Variants in PTCHD4 observed in about 807,000 individuals in gnomAD.
PTCHD4 encodes patched domain-containing protein 4.
Under a neutral mutation model 58.1 loss-of-function variants are expected in PTCHD4, and 33 were observed. The observed-to-expected ratio is 0.57, with a 90% CI of 0.43 to 0.76. The LOEUF is 0.76. Among genes scored for constraint, PTCHD4 ranks in the 30% least tolerant of loss-of-function variants. The pLI, the probability that PTCHD4 is intolerant of heterozygous loss-of-function variation, is 0.00. For synonymous variants in PTCHD4, 478 were observed against 409.6 expected, an observed-to-expected ratio of 1.17 and a Z score of -2.02; for missense variants, 1,058 against 1,027.1, an observed-to-expected ratio of 1.03 and a Z score of -0.41.
At chr6:48,048,955 G>A (rs553878432) in intron 3 of PTCHD4, among the ~76,000 whole-genome samples, 2 of 152,014 alleles carry the variant, frequency 1.3e-5, no homozygotes, top group South Asian at 2.1e-4. Context: ...GACATGGAAG[G>A]CACACATTCT....
intron 4 of PTCHD4, among the ~76,000 whole-genome samples, chr6:47,891,800 C>T (rs1764389693): frequency 6.6e-6 from 1 of 151,936 alleles, no homozygotes; most frequent in Admixed American, 6.6e-5. Flanking sequence ...TAAATGTGTT[C>T]AATGATAGTA....
intron 4 of PTCHD4, among the ~76,000 whole-genome samples, chr6:47,970,348 G>C (rs573563080): frequency 6.6e-6 from 1 of 152,328 alleles, no homozygotes; most frequent in African/African-American, 2.4e-5. Flanking sequence ...GCAGGTGGGA[G>C]AGTGGTAATT....
chr6:48,064,602 A>T (rs2113873614), intron 3 of PTCHD4, among the ~76,000 whole-genome samples: 1 of 152,310 alleles, frequency 6.6e-6, no homozygotes, highest in South Asian at 2.1e-4. Flanking sequence ...CACTTTAAAG[A>T]CAGCTGGAGA....
At chr6:47,929,685 A>G (rs1253509710) in intron 4 of PTCHD4, among the ~76,000 whole-genome samples, 2 of 152,254 alleles carry the variant, frequency 1.3e-5, no homozygotes, top group African/African-American at 2.4e-5. Flanking sequence ...TTGCCTGAGA[A>G]GCAGGCTCTT....
chr6:48,017,770 T>C (rs1237602612), intron 3 of PTCHD4, among the ~76,000 whole-genome samples: 8 of 152,204 alleles, frequency 5.3e-5, no homozygotes, highest in Non-Finnish European at 1.0e-4. Context: ...ACTTGATTCG[T>C]GTGTCTGACT....
intron 4 of PTCHD4, among the ~76,000 whole-genome samples, chr6:47,955,631 CA>C (rs1439710182): frequency 7.9e-5 from 12 of 152,110 alleles, no homozygotes; most frequent in African/African-American, 1.7e-4. Context: ...GAAAATCAGA[CA>C]TTTTTTTAAT....
chr6:47,923,999 G>A lies in PTCHD4; in HGVS notation c.899-44063C>T, dbSNP rs142666659. Among the ~76,000 whole-genome samples the A allele has an allele frequency of 1.9e-3, 290 of 152,280 alleles. 2 individuals are homozygous for A. The highest frequency in any genetic ancestry group is 6.5e-3 in the African/African-American group (270 of 41,554). ...GGGAACAAAAAACTAACTCTGGATG[G>A]TCAGCACTCCCCTTGACATTTCCAG... On this transcript the variant is annotated intron_variant, in intron 4 of 4. Coordinates refer to ENST00000339488, the MANE Select transcript of PTCHD4 (RefSeq NM_001384253.1).
intron 3 of PTCHD4, among the ~76,000 whole-genome samples, chr6:48,028,258 T>C (rs1763318020): frequency 6.9e-6 from 1 of 145,516 alleles, no homozygotes; most frequent in Admixed American, 6.7e-5. Flanking sequence ...TGTTTCTCTT[T>C]TGTTTTTTTT....
intron 4 of PTCHD4, among the ~76,000 whole-genome samples, chr6:47,903,003 T>C (rs980841986): frequency 6.6e-6 from 1 of 152,184 alleles, no homozygotes; most frequent in African/African-American, 2.4e-5. Flanking sequence ...CGTGTGTGCA[T>C]TTAATTGAGG....
chr6:48,098,322 T>TTCTTCTTCA, intron 1 of PTCHD4, among the ~76,000 whole-genome samples: 1 of 145,748 alleles, frequency 6.9e-6, no homozygotes, highest in African/African-American at 2.6e-5. Flanking sequence ...TTTTCTTTTC[T>TTCTTCTTCA]TCTTCTTCTT....
chr6:47,874,903 C>A lies in PTCHD4; in HGVS notation c.*3400G>T, dbSNP rs917392213. 6.6e-6 allele frequency among the ~76,000 whole-genome samples: 1 copy of A among 151,750 alleles called. No individual in the cohort carries two copies. The highest frequency in any genetic ancestry group is 2.1e-4 in the South Asian group (1 of 4,828). On this transcript the variant is annotated 3_prime_UTR_variant, in exon 5 of 5. Coordinates refer to ENST00000339488, the MANE Select transcript of PTCHD4 (RefSeq NM_001384253.1). ...GAATCAAATCTCTAAGGTATGATTACCTTTAACCATAAACGGTAAAAAATC... is the reference window on the plus strand; with the variant it reads ...GAATCAAATCTCTAAGGTATGATTAACTTTAACCATAAACGGTAAAAAATC...
At chr6:48,054,795 T>G (rs1764351023) in intron 3 of PTCHD4, among the ~76,000 whole-genome samples, 2 of 152,180 alleles carry the variant, frequency 1.3e-5, no homozygotes, top group African/African-American at 4.8e-5. Flanking sequence ...GGAAATAATT[T>G]TTTTATAGAA....
chr6:47,924,629 C>A (rs989303839), intron 4 of PTCHD4, among the ~76,000 whole-genome samples: 3 of 152,140 alleles, frequency 2.0e-5, no homozygotes, highest in African/African-American at 7.2e-5. Flanking sequence ...GTGCCCCACT[C>A]ATAACAGGCA....
chr6:47,858,602 G>A lies in PTCHD4; in HGVS notation c.*19701C>T, dbSNP rs977000496. ...ACCAACATAAATTATCAATTATTTT[G>A]GAGAGATTCTAATAAGGATAAACTA... On this transcript the variant is annotated 3_prime_UTR_variant, in exon 5 of 5. Transcript: ENST00000339488. Among the ~76,000 whole-genome samples, 1 of 151,870 alleles carries A rather than the reference G, an allele frequency of 6.6e-6. No individual in the cohort carries two copies. The highest frequency in any genetic ancestry group is 1.5e-5 in the Non-Finnish European group (1 of 67,930).
chr6:47,885,271 G>A (rs7749952), intron 4 of PTCHD4, among the ~76,000 whole-genome samples: 1 of 151,848 alleles, frequency 6.6e-6, no homozygotes, highest in Middle Eastern at 3.4e-3. Context: ...ATAATAAGGG[G>A]GTGTGTGTGT....
intron 4 of PTCHD4, among the ~76,000 whole-genome samples, chr6:47,982,413 C>T (rs1361807942): frequency 6.6e-6 from 1 of 151,410 alleles, no homozygotes; most frequent in Non-Finnish European, 1.5e-5. Context: ...CTTATTTGTT[C>T]ATATGTGTAA....
intron 1 of PTCHD4, among the ~76,000 whole-genome samples, chr6:48,105,235 AAATT>A (rs1765693691): frequency 6.6e-6 from 1 of 151,886 alleles, no homozygotes; most frequent in South Asian, 2.1e-4. Flanking sequence ...AAAAGATCAG[AAATT>A]ATGACAAACT....
chr6:48,015,039 ACTT>A (rs1158488250), intron 3 of PTCHD4, among the ~76,000 whole-genome samples: 2 of 152,148 alleles, frequency 1.3e-5, no homozygotes, highest in Non-Finnish European at 2.9e-5. Flanking sequence ...TACTGATTCA[ACTT>A]CTTCTTTTCC....
chr6:47,892,396 G>T (rs985378124), intron 4 of PTCHD4, among the ~76,000 whole-genome samples: 1 of 152,296 alleles, frequency 6.6e-6, no homozygotes, highest in East Asian at 1.9e-4. Flanking sequence ...TCTTTCATTT[G>T]AAGGACATTT....
Sources: allele counts gnomAD v4.1 joint callset (sites outside exome capture counted in the v4.1 genomes callset), GRCh38; gene constraint gnomAD v4.1.1; transcripts MANE v1.5; gene names NCBI Gene and HGNC (gene_info 2026-07-23, HGNC 2026-07-21).